The following CEP290 variants were observed in gnomAD, a reference collection of about 807,000 sequenced individuals.
CEP290 encodes centrosomal protein of 290 kDa.
Under a neutral mutation model 344.9 loss-of-function variants are expected in CEP290, and 317 were observed. The ratio of observed to expected loss-of-function variants is 0.92; its 90% CI spans 0.84 to 1.01. CEP290 has a LOEUF of 1.01. Among genes scored for constraint, CEP290 ranks in the 50% least tolerant of loss-of-function variants. The probability of loss-of-function intolerance (pLI) is 0.00; values close to 1 mark genes in which losing one functional copy is unlikely to be tolerated. For missense variants in CEP290, 2,754 were observed against 2,761.4 expected (o/e 1.00, Z 0.06); for synonymous variants, 932 against 895.8 (o/e 1.04, Z -0.72).
chr12:88,078,063 T>A, intron 39 of CEP290, 145 bp from the exon 40 acceptor site: 1 of 381,412 alleles, frequency 2.6e-6, no homozygotes, highest in African/African-American at 2.1e-5. Context: ...AACCACAAAC[T>A]ACATATATTT....
At chr12:88,140,910 T>C (rs888095561) in intron 3 of CEP290, 46 bp downstream of exon 3, 3 of 1,286,510 alleles carry the variant, frequency 2.3e-6, no homozygotes, top group Non-Finnish European at 3.2e-6. Context: ...ATTTTTATAG[T>C]TCCACTAATA....
Position 88,117,156 on chromosome 12 carries a change from G to A in CEP290, c.1712-11C>T. The A allele has an allele frequency of 1.5e-6, 2 of 1,295,640 alleles. No homozygotes were observed. Among genetic ancestry groups the A allele is most frequent in the Non-Finnish European group, 2.1e-6 (2 of 931,008 alleles). 80.3% of individuals were successfully genotyped at this position (1,295,640 alleles called of 1,614,324 possible). A position where few individuals can be genotyped will look rare whatever the true frequency, so the allele number is the denominator to read the frequency against. On this transcript the variant is annotated splice_polypyrimidine_tract_variant and intron_variant, in intron 17 of 53. Coordinates refer to ENST00000552810, the MANE Select transcript of CEP290 (RefSeq NM_025114.4). ...CCTCAGTGGTTAATCCTATATATAA[G>A]AGAATTAACAAACTAAAAACATTAA...
intron 27 of CEP290, 60 bp downstream of exon 27, chr12:88,096,824 TTAAA>T (rs1328213635): frequency 8.3e-6 from 7 of 847,434 alleles, no homozygotes; most frequent in African/African-American, 1.8e-5. Flanking sequence ...AAAAGGAACT[TTAAA>T]TAAGAAATAT....
intron 13 of CEP290, among the ~76,000 whole-genome samples, chr12:88,121,529 G>C (rs189502749): frequency 6.8e-6 from 1 of 146,800 alleles, no homozygotes; most frequent in African/African-American, 2.5e-5. Context: ...TTGAAATAAA[G>C]AACTAAATTT....
chr12:88,139,010 A>T, intron 5 of CEP290, 135 bp downstream of exon 5: 1 of 558,790 alleles, frequency 1.8e-6, no homozygotes, highest in South Asian at 2.0e-5. Context: ...CATGTAGAAC[A>T]TATACAGAAT....
At position 88,060,564 on chromosome 12, in the gene CEP290, GA is replaced by G. The variant is rs558251875; in HGVS notation, c.6522+265del. Among the ~76,000 whole-genome samples, 7 of 143,590 alleles carry G rather than the reference GA, an allele frequency of 4.9e-5. No individual in the cohort carries two copies. In the South Asian group the frequency reaches 6.7e-4, roughly 14 times the overall value. 94.2% of individuals were successfully genotyped at this position (143,590 alleles called of 152,430 possible). A position where few individuals can be genotyped will look rare whatever the true frequency, so the allele number is the denominator to read the frequency against. On this transcript the variant is annotated intron_variant, in intron 47 of 53. Transcript: ENST00000552810. The stretch of plus-strand genomic sequence containing the variant: ...GACAAAGCAGTACTCCATCTCAAAA[GA>G]AAAAAAAAAGAGAGACACAGGTAAT...
At chr12:88,055,496 T>C (rs890745167) in intron 50 of CEP290, 80 bp downstream of exon 50, 4 of 1,255,796 alleles carry the variant, frequency 3.2e-6, no homozygotes, top group African/African-American at 1.6e-5. Flanking sequence ...AGTCCATTTT[T>C]ATCTATATAA....
rs7952847 is a variant in CEP290 at position 88,114,769 on chromosome 12, C to T, written c.1910-207G>A. Among the ~76,000 whole-genome samples the T allele has an allele frequency of 0.05, 7,535 of 152,088 alleles. 636 individuals are homozygous for T. Among genetic ancestry groups the T allele is most frequent in the African/African-American group, 0.17 (7,147 of 41,494 alleles). The stretch of plus-strand genomic sequence containing the variant: ...TATTTATATCACGTGCATATACACA[C>T]GTATATAAGGCATACTTCTGCCTTA... On this transcript the variant is annotated intron_variant, in intron 19 of 53. Coordinates refer to ENST00000552810, the MANE Select transcript of CEP290 (RefSeq NM_025114.4).
chr12:88,086,427 G>A lies in CEP290; in HGVS notation c.4266C>T (p.Asp1422=), dbSNP rs904195851. Residue 1422 remains aspartate (D), a synonymous_variant, in exon 33 of 54, where the codon GAC becomes GAT. Coordinates refer to ENST00000552810, the MANE Select transcript of CEP290 (RefSeq NM_025114.4). ...CATTTAGTATTTCATTTTGCTGACG[G>A]TCAAAAATGTCTAGTTGGCGTTCCA... ...VDLERQLDIF[D]RQQNEILNAA... 1.3e-6 allele frequency: 2 copies of A among 1,598,226 alleles called. No individual in the cohort carries two copies. The highest frequency in any genetic ancestry group is 1.7e-5 in the Admixed American group (1 of 58,210).
At chr12:88,084,953 T>G (rs2036469367) in intron 34 of CEP290, 101 bp from the exon 35 acceptor site, 7 of 891,132 alleles carry the variant, frequency 7.9e-6, no homozygotes, top group African/African-American at 1.7e-5. Context: ...AAATTCACTT[T>G]ATTTTTCACA....
intron 6 of CEP290, among the ~76,000 whole-genome samples, chr12:88,131,444 G>C (rs2040067971): frequency 6.6e-6 from 1 of 151,916 alleles, no homozygotes; most frequent in African/African-American, 2.4e-5. Flanking sequence ...TGTATTTTTA[G>C]TAGAGACGGG....
intron 41 of CEP290, among the ~76,000 whole-genome samples, chr12:88,074,722 G>A (rs2471546): frequency 0.78 from 118,748 of 152,090 alleles, 50,429 homozygotes; most frequent in East Asian, 0.97. Flanking sequence ...ACCCTAATAC[G>A]AGGGGGTCCT....
At chr12:88,130,183 T>G (rs1279875007) in intron 9 of CEP290, 85 bp downstream of exon 9, 1 of 1,282,996 alleles carries the variant, frequency 7.8e-7, no homozygotes, top group Non-Finnish European at 1.1e-6. Context: ...GGAATTTACA[T>G]GTAGGGCTAA....
At chr12:88,127,425 T>A (rs1259461194) in intron 11 of CEP290, among the ~76,000 whole-genome samples, 1 of 152,110 alleles carries the variant, frequency 6.6e-6, no homozygotes, top group Non-Finnish European at 1.5e-5. Context: ...GAGGTGGCAT[T>A]TGCAGTGAGC....
In CEP290 at chr12:88,092,082, C is replaced by T. The variant is rs148797185; in HGVS notation, c.3461+599G>A. Among the ~76,000 whole-genome samples the T allele has an allele frequency of 5.6e-3, 844 of 152,054 alleles. 14 individuals carry two copies. The highest frequency in any genetic ancestry group is 0.019 in the African/African-American group (782 of 41,498). Reference sequence around the variant, plus strand: ...CACATGTCACCACGCCCAGCCAGCACGCAGTATTTACTCCTTATATATATT... The same window carrying T: ...CACATGTCACCACGCCCAGCCAGCATGCAGTATTTACTCCTTATATATATT... On this transcript the variant is annotated intron_variant, in intron 29 of 53. Coordinates refer to ENST00000552810, the MANE Select transcript of CEP290 (RefSeq NM_025114.4).
chr12:88,096,435 G>A (rs1462648762), intron 27 of CEP290, among the ~76,000 whole-genome samples: 2 of 152,026 alleles, frequency 1.3e-5, no homozygotes, highest in African/African-American at 4.8e-5. Flanking sequence ...AAGCATATAG[G>A]AGCAAAAATA....
intron 20 of CEP290, among the ~76,000 whole-genome samples, chr12:88,113,387 A>G (rs879377384): frequency 2.6e-5 from 4 of 152,092 alleles, no homozygotes; most frequent in Non-Finnish European, 5.9e-5. Context: ...TCAGAGAAGG[A>G]AAGTCAGTAT....
At chr12:88,053,630 C>T in intron 52 of CEP290, 22 bp downstream of exon 52, 3 of 1,206,894 alleles carry the variant, frequency 2.5e-6, no homozygotes, top group Non-Finnish European at 3.5e-6. Context: ...GGGTAGCTAA[C>T]ATGTTTTTTA....
chr12:88,096,356 T>A (rs2037432867), intron 27 of CEP290, among the ~76,000 whole-genome samples: 1 of 152,092 alleles, frequency 6.6e-6, no homozygotes, highest in Non-Finnish European at 1.5e-5. Context: ...CATAAAAATA[T>A]TTTTGATATT....
Sources: gnomAD v4.1 joint callset for allele counts (sites outside exome capture counted in the v4.1 genomes callset) on GRCh38, gnomAD v4.1.1 for gene constraint, MANE v1.5 for transcripts, NCBI Gene and HGNC (gene_info 2026-07-23, HGNC 2026-07-21) for gene names.